PSMD1: variants seen among roughly 807,000 people sequenced by gnomAD.
The protein encoded by PSMD1 is 26S proteasome non-ATPase regulatory subunit 1.
A neutral mutation model predicts 119.0 loss-of-function variants in PSMD1; 18 were observed. The observed-to-expected ratio is 0.15, with a 90% CI of 0.10 to 0.22. The LOEUF (loss-of-function observed/expected upper bound fraction) is 0.22, where lower values mean the gene tolerates loss of function less well. Among genes scored for constraint, PSMD1 ranks in the 10% least tolerant of loss-of-function variants. PSMD1 has a pLI of 1.00. For synonymous variants in PSMD1, 374 were observed against 396.6 expected (o/e 0.94, Z 0.68); for missense variants, 702 against 1,158.5 (o/e 0.61, Z 5.72).
chr2:231,070,500 A>G (rs1274779913), intron 6 of PSMD1, among the ~76,000 whole-genome samples: 1 of 152,152 alleles, frequency 6.6e-6, no homozygotes, highest in Non-Finnish European at 1.5e-5. Flanking sequence ...TGCCTATGCT[A>G]TACTATATCA....
chr2:231,061,559 T>G (rs1003527602), intron 2 of PSMD1, among the ~76,000 whole-genome samples: 1 of 152,260 alleles, frequency 6.6e-6, no homozygotes, highest in East Asian at 1.9e-4. Flanking sequence ...CTTTTTTTTC[T>G]TTTTTTAATC....
At chr2:231,086,140 A>G (rs1694433898) in intron 15 of PSMD1, among the ~76,000 whole-genome samples, 1 of 152,164 alleles carries the variant, frequency 6.6e-6, no homozygotes, top group East Asian at 1.9e-4. Context: ...TACTGGGCTC[A>G]AGTGATCCTC....
At chr2:231,131,761 CAAAAA>C (rs540366686) in intron 16 of PSMD1, among the ~76,000 whole-genome samples, 6 of 11,842 alleles carry the variant, frequency 5.1e-4, no homozygotes, top group Non-Finnish European at 6.9e-4. Context: ...GACTCCGTCT[CAAAAA>C]AAAAAAAAAA....
At chr2:231,085,143 G>A in intron 15 of PSMD1, 29 bp downstream of exon 15, 1 of 1,582,038 alleles carries the variant, frequency 6.3e-7, no homozygotes, top group Non-Finnish European at 8.7e-7. Flanking sequence ...CTTGGGAATG[G>A]GGTGGACGGA....
At chr2:231,100,941 A>T (rs1444994851) in intron 16 of PSMD1, among the ~76,000 whole-genome samples, 1 of 152,130 alleles carries the variant, frequency 6.6e-6, no homozygotes. Context: ...AGCGTTCCTC[A>T]CGCGGGGGCA....
At position 231,144,252 on chromosome 2, in the gene PSMD1, C is replaced by CT. The variant is rs113617018; in HGVS notation, c.1999-1973dup. On this transcript the variant is annotated intron_variant, in intron 17 of 24. Coordinates refer to ENST00000308696, the MANE Select transcript of PSMD1 (RefSeq NM_002807.4). The stretch of plus-strand genomic sequence containing the variant: ...CTAATATTTGAAAGAGGTTTGTTTC[C>CT]TTTTTTTTTTTTTTTGGAGACAGAG... 4.4e-3 allele frequency among the ~76,000 whole-genome samples: 598 copies of CT among 136,604 alleles called. 3 individuals carry two copies. Among genetic ancestry groups the CT allele is most frequent in the East Asian group, 0.028 (135 of 4,810 alleles). The allele number at this position is 136,604 out of a possible 152,430, so 89.6% of individuals were successfully genotyped here. A position where few individuals can be genotyped will look rare whatever the true frequency, so the allele number is the denominator to read the frequency against.
At chr2:231,069,421 A>G (rs1359144394) in intron 5 of PSMD1, among the ~76,000 whole-genome samples, 2 of 152,218 alleles carry the variant, frequency 1.3e-5, no homozygotes, top group Non-Finnish European at 2.9e-5. Context: ...ACACTCCTGT[A>G]GCTTTCAGTG....
intron 16 of PSMD1, among the ~76,000 whole-genome samples, chr2:231,094,341 T>G (rs1233746185): frequency 6.6e-6 from 1 of 152,186 alleles, no homozygotes; most frequent in East Asian, 1.9e-4. Flanking sequence ...GCATATCTGC[T>G]TGTTCATTGC....
intron 6 of PSMD1, among the ~76,000 whole-genome samples, chr2:231,071,344 GA>G (rs1470473553): frequency 6.6e-6 from 1 of 151,748 alleles, no homozygotes; most frequent in East Asian, 1.9e-4. Flanking sequence ...ATGTTCATGT[GA>G]TTTAAAATTC....
intron 7 of PSMD1, among the ~76,000 whole-genome samples, chr2:231,072,763 A>C (rs1054149562): frequency 6.6e-6 from 1 of 152,206 alleles, no homozygotes; most frequent in Non-Finnish European, 1.5e-5. Context: ...TTAGATATTT[A>C]GAAAGTAAAG....
intron 12 of PSMD1, among the ~76,000 whole-genome samples, chr2:231,082,311 C>CCACCT (rs1434387103): frequency 2.0e-5 from 3 of 152,206 alleles, no homozygotes; most frequent in African/African-American, 7.2e-5. Flanking sequence ...AGTGATCTTC[C>CCACCT]CACCTCAGCC....
intron 12 of PSMD1, among the ~76,000 whole-genome samples, chr2:231,080,959 A>G (rs759289505): frequency 2.0e-5 from 3 of 152,254 alleles, no homozygotes; most frequent in Admixed American, 1.3e-4. Context: ...CCTGGCCAAC[A>G]TGGTGAAACC....
At chr2:231,134,187 A>G (rs929679791) in intron 16 of PSMD1, among the ~76,000 whole-genome samples, 2 of 152,214 alleles carry the variant, frequency 1.3e-5, no homozygotes, top group African/African-American at 4.8e-5. Context: ...AAGAGCAACA[A>G]AGTTGTTTTT....
chr2:231,072,716 G>A (rs1694070391), intron 7 of PSMD1, among the ~76,000 whole-genome samples: 1 of 151,854 alleles, frequency 6.6e-6, no homozygotes, highest in South Asian at 2.1e-4. Flanking sequence ...GATAGGTTGG[G>A]GCTACCTTTT....
chr2:231,086,531 C>A (rs1694446782), intron 15 of PSMD1, among the ~76,000 whole-genome samples: 1 of 152,160 alleles, frequency 6.6e-6, no homozygotes, highest in Non-Finnish European at 1.5e-5. Context: ...GTGGCACACG[C>A]CTGTAGTCCC....
At chr2:231,093,400 G>A (rs927945438) in intron 16 of PSMD1, among the ~76,000 whole-genome samples, 5 of 152,128 alleles carry the variant, frequency 3.3e-5, no homozygotes, top group African/African-American at 7.2e-5. Context: ...GGTAAAGTCC[G>A]GGGCTTGTGT....
At chr2:231,143,534 A>T (rs1041996437) in intron 17 of PSMD1, among the ~76,000 whole-genome samples, 3 of 152,118 alleles carry the variant, frequency 2.0e-5, no homozygotes, top group African/African-American at 7.2e-5. Context: ...GGCCAGGGAC[A>T]TTGTGTTTTA....
At chr2:231,068,577 T>C (rs1693962937) in intron 5 of PSMD1, among the ~76,000 whole-genome samples, 1 of 152,180 alleles carries the variant, frequency 6.6e-6, no homozygotes, top group African/African-American at 2.4e-5. Context: ...ACAATTCATG[T>C]CTTAAATTGT....
intron 16 of PSMD1, among the ~76,000 whole-genome samples, chr2:231,115,177 T>TA (rs1695286886): frequency 6.6e-6 from 1 of 150,594 alleles, no homozygotes; most frequent in Non-Finnish European, 1.5e-5. Flanking sequence ...GGAGAGAGAT[T>TA]AAAATCTCAG....
Sources: allele counts gnomAD v4.1 joint callset (sites outside exome capture counted in the v4.1 genomes callset), GRCh38; gene constraint gnomAD v4.1.1; transcripts MANE v1.5; gene names NCBI Gene and HGNC (gene_info 2026-07-23, HGNC 2026-07-21).